The following FILIP1 variants were observed in gnomAD, a reference collection of about 807,000 sequenced individuals.
FILIP1 encodes filamin-A-interacting protein 1.
A neutral mutation model predicts 102.1 loss-of-function variants in FILIP1; 61 were observed. That is an observed-to-expected ratio of 0.60 (90% CI 0.49 to 0.74). The LOEUF is 0.74. FILIP1 is among the 30% of genes least tolerant of loss of function. FILIP1 has a pLI of 0.00. For missense variants in FILIP1, 1,314 were observed against 1,441.2 expected, an observed-to-expected ratio of 0.91 and a Z score of 1.43; for synonymous variants, 491 against 526.9, an observed-to-expected ratio of 0.93 and a Z score of 0.93.
rs192924867 is a variant in FILIP1 at position 75,359,162 on chromosome 6, C to T, written c.450+3582G>A. Among the ~76,000 whole-genome samples, 8 of 152,250 alleles carry T rather than the reference C, an allele frequency of 5.3e-5. No homozygotes were observed. In the East Asian group the frequency reaches 5.8e-4, roughly 11 times the overall value. On this transcript the variant is annotated intron_variant, in intron 3 of 5. Coordinates refer to ENST00000237172, the MANE Select transcript of FILIP1 (RefSeq NM_015687.5). ...CTGGGATTACAGGCACCCGCCACCACGCCTGGCTAAGTTTTGTATTTTTAG... is the reference window on the plus strand; with the variant it reads ...CTGGGATTACAGGCACCCGCCACCATGCCTGGCTAAGTTTTGTATTTTTAG...
chr6:75,391,342 T>C (rs1041183432), intron 2 of FILIP1, among the ~76,000 whole-genome samples: 3 of 152,178 alleles, frequency 2.0e-5, no homozygotes, highest in African/African-American at 7.2e-5. Context: ...TTCAAATTCA[T>C]GGTCACTAAC....
At chr6:75,385,121 A>T (rs1005237294) in intron 2 of FILIP1, among the ~76,000 whole-genome samples, 1 of 152,022 alleles carries the variant, frequency 6.6e-6, no homozygotes, top group African/African-American at 2.4e-5. Context: ...TTATAACTAA[A>T]GAAATAGAAA....
At chr6:75,344,088 C>T (rs927235009) in intron 4 of FILIP1, among the ~76,000 whole-genome samples, 1 of 152,204 alleles carries the variant, frequency 6.6e-6, no homozygotes, top group African/African-American at 2.4e-5. Context: ...CAGAAGTAGG[C>T]ATCCATTGTA....
intron 1 of FILIP1, among the ~76,000 whole-genome samples, chr6:75,477,003 T>C (rs985521258): frequency 2.6e-5 from 4 of 152,192 alleles, no homozygotes; most frequent in Non-Finnish European, 1.5e-5. Context: ...TTAGTTTTAA[T>C]TGGAAATTGA....
chr6:75,350,396 T>A (rs1198284602), intron 4 of FILIP1, among the ~76,000 whole-genome samples: 3 of 115,814 alleles, frequency 2.6e-5, no homozygotes, highest in Admixed American at 9.5e-5. Context: ...TAATTTTTTT[T>A]AAAGTTTTTT....
In FILIP1 at chr6:75,313,886, AC is replaced by A; in HGVS notation, c.1945del (p.Val649SerfsTer5). ...TTCTGTCTTCATCAAATCCCCTTCG[AC>A]CACTTCCAATTGTTGGAGACGTTTC... is the stretch of plus-strand genomic sequence containing the variant. ...LKKRLQQLEV[V>X]EGDLMKTEDE... On this transcript the variant is annotated frameshift_variant, in exon 5 of 6. Transcript: ENST00000237172. LOFTEE classifies it high-confidence loss of function. This position sits in a 1 kb window ranked among gnomAD's most constrained non-coding sequence, Gnocchi z 4.2. 6.2e-7 allele frequency: 1 copy of A among 1,613,988 alleles called. No homozygotes were observed. The highest frequency in any genetic ancestry group is 8.5e-7 in the Non-Finnish European group (1 of 1,179,980).
At chr6:75,403,865 G>A (rs1298078769) in intron 2 of FILIP1, among the ~76,000 whole-genome samples, 1 of 152,176 alleles carries the variant, frequency 6.6e-6, no homozygotes, top group Non-Finnish European at 1.5e-5. Flanking sequence ...AAGTAGTTTG[G>A]CAGCAGTTAT....
intron 1 of FILIP1, among the ~76,000 whole-genome samples, chr6:75,476,153 A>T (rs1333353313): frequency 6.6e-6 from 1 of 151,936 alleles, no homozygotes. Context: ...AGGCAGGAGA[A>T]TGACTTAAAC....
At chr6:75,460,315 C>T (rs1171757446) in intron 1 of FILIP1, among the ~76,000 whole-genome samples, 1 of 152,216 alleles carries the variant, frequency 6.6e-6, no homozygotes, top group East Asian at 1.9e-4. Context: ...AATTTAGTAG[C>T]ACTCTGAAGA....
intron 4 of FILIP1, among the ~76,000 whole-genome samples, chr6:75,342,560 G>C (rs1774448922): frequency 6.6e-6 from 1 of 152,206 alleles, no homozygotes; most frequent in Non-Finnish European, 1.5e-5. Flanking sequence ...TCAGACTTCA[G>C]TCAAGTCAGG....
At chr6:75,378,442 G>T (rs1775809897) in intron 2 of FILIP1, among the ~76,000 whole-genome samples, 1 of 152,162 alleles carries the variant, frequency 6.6e-6, no homozygotes, top group Non-Finnish European at 1.5e-5. Context: ...ATGCACATAG[G>T]CAACACAAAT....
intron 3 of FILIP1, among the ~76,000 whole-genome samples, chr6:75,359,608 A>G (rs1775113416): frequency 6.6e-6 from 1 of 152,242 alleles, no homozygotes; most frequent in South Asian, 2.1e-4. Context: ...AGAAAAACAA[A>G]TGTCTGGGAG....
chr6:75,398,540 G>T (rs573213841), intron 2 of FILIP1, among the ~76,000 whole-genome samples: 1 of 152,118 alleles, frequency 6.6e-6, no homozygotes, highest in Admixed American at 6.6e-5. Context: ...AGAAGGGGCC[G>T]TCTGTATCTA....
At chr6:75,434,732 G>A (rs913376248) in intron 1 of FILIP1, among the ~76,000 whole-genome samples, 21 of 152,346 alleles carry the variant, frequency 1.4e-4, no homozygotes, top group African/African-American at 3.1e-4. Flanking sequence ...ATGTTGAATA[G>A]GAGTGGTGAG....
At chr6:75,470,231 TA>T (rs960816013) in intron 1 of FILIP1, among the ~76,000 whole-genome samples, 5 of 151,952 alleles carry the variant, frequency 3.3e-5, no homozygotes, top group South Asian at 4.2e-4. Context: ...AAAAACAACA[TA>T]AAAAAATCAA....
intron 1 of FILIP1, among the ~76,000 whole-genome samples, chr6:75,470,062 C>T (rs1268735758): frequency 6.6e-6 from 1 of 151,980 alleles, no homozygotes; most frequent in African/African-American, 2.4e-5. Flanking sequence ...ACTGGACATC[C>T]TAGCCAATGG....
At chr6:75,407,440 A>T (rs1776904528) in intron 2 of FILIP1, among the ~76,000 whole-genome samples, 1 of 152,020 alleles carries the variant, frequency 6.6e-6, no homozygotes, top group East Asian at 1.9e-4. Flanking sequence ...GTTAGCCAGG[A>T]TGGTCTCCAT....
intron 1 of FILIP1, among the ~76,000 whole-genome samples, chr6:75,419,039 T>C (rs573357001): frequency 5.9e-5 from 9 of 151,580 alleles, no homozygotes; most frequent in African/African-American, 2.2e-4. Context: ...CAGAGCATAC[T>C]GTCAGATGAA....
chr6:75,321,196 T>C (rs1246981684), intron 4 of FILIP1, among the ~76,000 whole-genome samples: 1 of 152,206 alleles, frequency 6.6e-6, no homozygotes, highest in Non-Finnish European at 1.5e-5. Flanking sequence ...TTGTGAGTCA[T>C]TGTGCCCAGA....
Sources: allele counts gnomAD v4.1 joint callset (sites outside exome capture counted in the v4.1 genomes callset), GRCh38; gene constraint gnomAD v4.1.1; non-coding constraint Gnocchi (gnomAD v3.1); transcripts MANE v1.5; gene names NCBI Gene and HGNC (gene_info 2026-07-23, HGNC 2026-07-21).